The following SLFN12L variants were observed in gnomAD, a reference collection of about 807,000 sequenced individuals.
SLFN12L encodes schlafen family member 12 like.
Under a neutral mutation model 34.8 loss-of-function variants are expected in SLFN12L, and 34 were observed. That is an observed-to-expected ratio of 0.98 (90% CI 0.74 to 1.30). The LOEUF is 1.30. Among genes scored for constraint, SLFN12L ranks in the 50% most tolerant of loss-of-function variants. The pLI, the probability that SLFN12L is intolerant of heterozygous loss-of-function variation, is 0.00. For missense variants in SLFN12L, 703 were observed against 696.2 expected (o/e 1.01, Z -0.11); for synonymous variants, 259 against 247.5 (o/e 1.05, Z -0.44).
At chr17:35,522,255 G>C in intron 2 of SLFN12L, 24 bp downstream of exon 2, 1 of 1,613,106 alleles carries the variant, frequency 6.2e-7, no homozygotes. Context: ...ATAATACTTA[G>C]AGACATAAGG....
chr17:35,491,532 C>A (rs1277930018), intron 2 of SLFN12L, among the ~76,000 whole-genome samples: 3 of 152,230 alleles, frequency 2.0e-5, no homozygotes, highest in African/African-American at 7.2e-5. Context: ...TTGTCTCTCA[C>A]CCCGACTTTT....
At chr17:35,535,802 C>A (rs993653615) in intron 1 of SLFN12L, among the ~76,000 whole-genome samples, 1 of 151,950 alleles carries the variant, frequency 6.6e-6, no homozygotes, top group African/African-American at 2.4e-5. Flanking sequence ...ATGACAGGCA[C>A]GCACCACCAC....
rs536873057 is a variant in SLFN12L, at chr17:35,476,364, G to T, written c.1277-879C>A. Among the ~76,000 whole-genome samples, 825 of 152,054 alleles carry T rather than the reference G, an allele frequency of 5.4e-3. 9 individuals carry two copies. The highest frequency in any genetic ancestry group is 0.019 in the African/African-American group (785 of 41,454). ...GCCTGTAATCCCAGCAGTTTAGGAGGCCGAGGCAGGTGGATTGCTTGAGCC... is the reference window on the plus strand; with the variant it reads ...GCCTGTAATCCCAGCAGTTTAGGAGTCCGAGGCAGGTGGATTGCTTGAGCC... On this transcript the variant is annotated intron_variant, in intron 4 of 4. Coordinates refer to ENST00000628453, the MANE Select transcript of SLFN12L (RefSeq NM_001363830.2).
At chr17:35,501,033 G>T (rs1296510859) in intron 2 of SLFN12L, among the ~76,000 whole-genome samples, 2 of 152,202 alleles carry the variant, frequency 1.3e-5, no homozygotes, top group African/African-American at 4.8e-5. Context: ...CTACAACTCA[G>T]TGTCTGAGGG....
Position 35,479,335 on chromosome 17 carries a change from T to C in SLFN12L, c.947A>G (p.His316Arg). ...TKNSIGKLPV[H>R]HFCVEKGTIN... ...CGTCCCCTTCTCCACACAGAAGTGA[T>C]GCACAGGCAGTTTCCCAATGGAATT... The change falls in exon 3 of 5, where the codon CAT becomes CGT. Residue 316 changes from histidine (H) to arginine (R), a missense_variant. Transcript: ENST00000628453. 6.3e-7 allele frequency: 1 copy of C among 1,588,586 alleles called. No homozygotes were observed. The highest frequency in any genetic ancestry group is 2.3e-5 in the East Asian group (1 of 43,590).
In SLFN12L at chr17:35,476,421, T is replaced by G. The variant is rs538993158; in HGVS notation, c.1277-936A>C. 4.3e-5 allele frequency among the ~76,000 whole-genome samples: 6 copies of G among 138,156 alleles called. No homozygotes were observed. The East Asian group carries it at 1.3e-3, about 29-fold the overall frequency. 90.6% of individuals were successfully genotyped at this position (138,156 alleles called of 152,430 possible). ...TTTGAGACCAGCCTGGGCAATATGG[T>G]GAAACCCTGTCACAAAAAGAAAGAA... is the stretch of plus-strand genomic sequence containing the variant. On this transcript the variant is annotated intron_variant, in intron 4 of 4. Transcript: ENST00000628453.
Position 35,468,160 on chromosome 17 carries a change from T to C in SLFN12L, c.*6763A>G, listed in dbSNP as rs574325836. Among the ~76,000 whole-genome samples the C allele has an allele frequency of 8.7e-4, 132 of 152,264 alleles. 1 individual carries two copies. The highest frequency in any genetic ancestry group is 3.1e-3 in the African/African-American group (128 of 41,556). On this transcript the variant is annotated 3_prime_UTR_variant, in exon 5 of 5. Transcript: ENST00000628453. ...GCCTGAGCTCAAGCAATGCACCTGCTTTGGCCTCTCAAAGTGCTGGGATTA... is the reference window on the plus strand; with the variant it reads ...GCCTGAGCTCAAGCAATGCACCTGCCTTGGCCTCTCAAAGTGCTGGGATTA...
intron 1 of SLFN12L, among the ~76,000 whole-genome samples, chr17:35,535,667 T>C (rs188985026): frequency 5.9e-5 from 9 of 152,076 alleles, no homozygotes; most frequent in Non-Finnish European, 8.8e-5. Flanking sequence ...TTTTTGTTTT[T>C]GTTTTTGAGA....
intron 2 of SLFN12L, among the ~76,000 whole-genome samples, chr17:35,483,325 T>C (rs1383719635): frequency 6.6e-6 from 1 of 152,182 alleles, no homozygotes; most frequent in Non-Finnish European, 1.5e-5. Flanking sequence ...CCTTCACTTG[T>C]CTGCATACCT....
chr17:35,476,742 C>A (rs1449266849), intron 4 of SLFN12L, among the ~76,000 whole-genome samples: 1 of 147,440 alleles, frequency 6.8e-6, no homozygotes, highest in African/African-American at 2.5e-5. Context: ...AAGCATAAAA[C>A]AAAACTTCAA....
Position 35,470,958 on chromosome 17 carries a change from A to G in SLFN12L, c.*3965T>C, listed in dbSNP as rs1466426603. Among the ~76,000 whole-genome samples the G allele has an allele frequency of 6.6e-6, 1 of 152,128 alleles. No homozygotes were observed. Among genetic ancestry groups the G allele is most frequent in the African/African-American group, 2.4e-5 (1 of 41,426 alleles). On this transcript the variant is annotated 3_prime_UTR_variant, in exon 5 of 5. Coordinates refer to ENST00000628453, the MANE Select transcript of SLFN12L (RefSeq NM_001363830.2). ...TAGTTTGCTGAGGATGATGGCTTCC[A>G]GCTTCATCCATGTCCCTGCAAAGGT...
Position 35,471,302 on chromosome 17 carries a change from A to G in SLFN12L, c.*3621T>C, listed in dbSNP as rs1251923285. On this transcript the variant is annotated 3_prime_UTR_variant, in exon 5 of 5. Transcript: ENST00000628453. The stretch of plus-strand genomic sequence containing the variant: ...CAGACGCCTACCACCACTCCCAGCT[A>G]ATTCTTGTATTTTTAGTAGAAATGG... Among the ~76,000 whole-genome samples the G allele has an allele frequency of 6.6e-6, 1 of 151,814 alleles. No individual in the cohort carries two copies. Among genetic ancestry groups the G allele is most frequent in the Non-Finnish European group, 1.5e-5 (1 of 67,928 alleles).
rs1182432848 is a variant in SLFN12L, at chr17:35,471,196, G to T, written c.*3727C>A. ...TTGTCACCCAGGCTGGAGTGCAATG[G>T]GGTGATCTTGGCTCACTGCAACCTC... On this transcript the variant is annotated 3_prime_UTR_variant, in exon 5 of 5. Transcript: ENST00000628453. Among the ~76,000 whole-genome samples the T allele has an allele frequency of 6.6e-6, 1 of 151,652 alleles. No individual in the cohort carries two copies. The highest frequency in any genetic ancestry group is 1.9e-4 in the East Asian group (1 of 5,194).
At chr17:35,533,407 C>A (rs778695796) in intron 1 of SLFN12L, among the ~76,000 whole-genome samples, 5 of 152,148 alleles carry the variant, frequency 3.3e-5, no homozygotes, top group Non-Finnish European at 2.9e-5. Context: ...ACAAAACAAA[C>A]CTGGTCCCTG....
intron 2 of SLFN12L, among the ~76,000 whole-genome samples, chr17:35,493,981 G>A (rs1265769248): frequency 6.6e-6 from 1 of 151,870 alleles, no homozygotes; most frequent in African/African-American, 2.4e-5. Flanking sequence ...TAAGCTTTCG[G>A]GAAAAAGAAA....
At position 35,522,715 on chromosome 17, in the gene SLFN12L, T is replaced by C; in HGVS notation, c.-351A>G. The C allele has an allele frequency of 6.2e-7, 1 of 1,614,154 alleles. No homozygotes were observed. ...GTAGCCCCCCATGTTCACCAGCTTC[T>C]GCTTCAAAGTAAGGGCAGTGCAAGT... On this transcript the variant is annotated 5_prime_UTR_variant, in exon 2 of 5. Transcript: ENST00000628453.
At chr17:35,537,112 C>T (rs1423787507) in intron 1 of SLFN12L, among the ~76,000 whole-genome samples, 2 of 151,444 alleles carry the variant, frequency 1.3e-5, no homozygotes, top group African/African-American at 2.4e-5. Flanking sequence ...CCTGGAAGGT[C>T]GAAGCTGCAG....
rs572467561 is a variant in SLFN12L, at chr17:35,473,828, T to G, written c.*1095A>C. On this transcript the variant is annotated 3_prime_UTR_variant, in exon 5 of 5. Transcript: ENST00000628453. ...ATTACTGCCTCAATTTCAGAACTTG[T>G]TATTGACCTGTTCAGGGATTTGACT... is the stretch of plus-strand genomic sequence containing the variant. The G allele has an allele frequency of 1.3e-5, 2 of 152,352 alleles. No individual in the cohort carries two copies. The highest frequency in any genetic ancestry group is 3.9e-4 in the East Asian group (2 of 5,190). 9.4% of individuals were successfully genotyped at this position (152,352 alleles called of 1,614,324 possible). A position where few individuals can be genotyped will look rare whatever the true frequency, so the allele number is the denominator to read the frequency against.
At chr17:35,500,534 C>T (rs958723857) in intron 2 of SLFN12L, 6 of 152,344 alleles carry the variant, frequency 3.9e-5, no homozygotes, top group African/African-American at 1.2e-4. Context: ...TCTAGACCAT[C>T]CTGGTTAACA....
Sources: gnomAD v4.1 joint callset for allele counts (sites outside exome capture counted in the v4.1 genomes callset) on GRCh38, gnomAD v4.1.1 for gene constraint, MANE v1.5 for transcripts, NCBI Gene and HGNC (gene_info 2026-07-23, HGNC 2026-07-21) for gene names.